AKT3: variants seen among roughly 807,000 people sequenced by gnomAD.
AKT3 encodes AKT serine/threonine kinase 3.
AKT3 carries 15 observed loss-of-function variants against 65.3 expected under a neutral mutation model. The ratio of observed to expected loss-of-function variants is 0.23; its 90% CI spans 0.15 to 0.35. The LOEUF (loss-of-function observed/expected upper bound fraction) is 0.35. Among genes scored for constraint, AKT3 ranks in the 10% least tolerant of loss-of-function variants. The pLI, the probability that AKT3 is intolerant of heterozygous loss-of-function variation, is 1.00. For synonymous variants in AKT3, 206 were observed against 183.8 expected (o/e 1.12, Z -0.98); for missense variants, 243 against 576.5 (o/e 0.42, Z 5.92).
intron 13 of AKT3, 118 bp downstream of exon 13, chr1:243,512,206 A>C (rs1226728420): frequency 3.4e-6 from 2 of 580,010 alleles, no homozygotes; most frequent in Non-Finnish European, 5.9e-6. Context: ...GAATGGAGTA[A>C]GTCACTGTGG....
rs1686747235 is a variant in AKT3, at chr1:243,719,603, G to C, written c.47-23887C>G. Among the ~76,000 whole-genome samples, 5 of 152,172 alleles carry C rather than the reference G, an allele frequency of 3.3e-5. No homozygotes were observed. In the South Asian group the frequency reaches 1.0e-3, roughly 32 times the overall value. On this transcript the variant is annotated intron_variant, in intron 2 of 13. Transcript: ENST00000673466. ...TGACAACTTAGTGCTTTACTACAAT[G>C]AAAGTTTTGTTTCTGGCTCATGTAA...
chr1:243,523,027 T>C (rs541492059), intron 12 of AKT3, among the ~76,000 whole-genome samples: 4 of 151,938 alleles, frequency 2.6e-5, no homozygotes, highest in Admixed American at 1.3e-4. Flanking sequence ...GAAGGAAAGA[T>C]AGGGGCTTTA....
chr1:243,585,811 A>T (rs1675758796), intron 8 of AKT3, among the ~76,000 whole-genome samples: 1 of 152,192 alleles, frequency 6.6e-6, no homozygotes, highest in Admixed American at 6.5e-5. Context: ...AAGAAACACC[A>T]TTCTTGACAT....
rs1448183974 is a variant in AKT3, at chr1:243,501,276, C to T, written c.*3973G>A. The T allele has an allele frequency of 2.1e-5, 5 of 232,992 alleles. No homozygotes were observed. Among genetic ancestry groups the T allele is most frequent in the Non-Finnish European group, 4.2e-5 (5 of 117,930 alleles). 14.4% of individuals were successfully genotyped at this position (232,992 alleles called of 1,614,324 possible). ...GTCCAGCCATCCTACCCATCTACAT[C>T]ACCCACGTCTAAGTTTGTTAATTTG... On this transcript the variant is annotated 3_prime_UTR_variant, in exon 14 of 14. Coordinates refer to ENST00000673466, the MANE Select transcript of AKT3 (RefSeq NM_005465.7).
intron 3 of AKT3, chr1:243,687,810 TCCATTC>T (rs1470311665): frequency 6.6e-6 from 1 of 152,192 alleles, no homozygotes; most frequent in Non-Finnish European, 1.5e-5. Flanking sequence ...AAAGGTTTTC[TCCATTC>T]CCAATTCTAA....
At chr1:243,720,314 TAAAATA>T (rs1284542374) in intron 2 of AKT3, among the ~76,000 whole-genome samples, 2 of 147,098 alleles carry the variant, frequency 1.4e-5, no homozygotes, top group Non-Finnish European at 3.0e-5. Context: ...AAATTAAAAA[TAAAATA>T]AAAATAAAAA....
intron 3 of AKT3, among the ~76,000 whole-genome samples, chr1:243,691,560 T>C (rs1403699158): frequency 6.6e-6 from 1 of 151,526 alleles, no homozygotes; most frequent in Non-Finnish European, 1.5e-5. Context: ...GTTCAAGAAA[T>C]ATGCAGAATC....
At chr1:243,803,691 CAT>C (rs1254867957) in intron 2 of AKT3, among the ~76,000 whole-genome samples, 148 of 118,040 alleles carry the variant, frequency 1.3e-3, no homozygotes, top group Middle Eastern at 5.1e-3. Flanking sequence ...CACACACACA[CAT>C]AAGACTGAAA....
chr1:243,832,120 TAAAAAAAAAAAAAAAAAAAAAAAAA>T (rs869235352), intron 2 of AKT3, among the ~76,000 whole-genome samples: 8 of 44,774 alleles, frequency 1.8e-4, no homozygotes, highest in African/African-American at 4.0e-4. Flanking sequence ...TCCCTAAAAC[TAAAAAAAAAAAAAAAAAAAAAAAAA>T]AAAAAAAAAA....
At chr1:243,513,238 C>T (rs997559789) in intron 12 of AKT3, among the ~76,000 whole-genome samples, 1 of 152,192 alleles carries the variant, frequency 6.6e-6, no homozygotes, top group Non-Finnish European at 1.5e-5. Flanking sequence ...GAGGCTCCTG[C>T]TTCTCAGGGC....
intron 2 of AKT3, among the ~76,000 whole-genome samples, chr1:243,785,305 C>T (rs1333146006): frequency 6.6e-6 from 1 of 151,288 alleles, no homozygotes. Context: ...GTCTCGATCT[C>T]CTGACCTTGC....
At chr1:243,525,610 A>G (rs1670991798) in intron 12 of AKT3, among the ~76,000 whole-genome samples, 1 of 148,380 alleles carries the variant, frequency 6.7e-6, no homozygotes, top group African/African-American at 2.5e-5. Context: ...AATATCTGAA[A>G]TAAGAAATTC....
chr1:243,727,069 G>C (rs1436668572), intron 2 of AKT3, among the ~76,000 whole-genome samples: 1 of 152,126 alleles, frequency 6.6e-6, no homozygotes, highest in Admixed American at 6.5e-5. Context: ...GACAGAAAAT[G>C]AGCAATTCAC....
At chr1:243,807,112 C>G (rs1414904983) in intron 2 of AKT3, among the ~76,000 whole-genome samples, 1 of 152,166 alleles carries the variant, frequency 6.6e-6, no homozygotes, top group African/African-American at 2.4e-5. Flanking sequence ...GTGAGCGACA[C>G]AGAAGACGGG....
intron 2 of AKT3, among the ~76,000 whole-genome samples, chr1:243,818,386 G>A (rs761128829): frequency 6.6e-6 from 1 of 152,110 alleles, no homozygotes; most frequent in Non-Finnish European, 1.5e-5. Flanking sequence ...GAGGGCAAGT[G>A]TTTCTTCATC....
chr1:243,655,738 G>A (rs1361151295), intron 4 of AKT3, among the ~76,000 whole-genome samples: 1 of 152,036 alleles, frequency 6.6e-6, no homozygotes, highest in Admixed American at 6.6e-5. Flanking sequence ...AGTCCTTTAA[G>A]CTACCAATAC....
intron 12 of AKT3, among the ~76,000 whole-genome samples, chr1:243,532,703 G>T (rs1487362453): frequency 6.6e-6 from 1 of 152,136 alleles, no homozygotes. Flanking sequence ...CAAATTTTTG[G>T]AAGAGTTTGA....
chr1:243,686,506 C>T (rs1313264385), intron 3 of AKT3, among the ~76,000 whole-genome samples: 1 of 150,834 alleles, frequency 6.6e-6, no homozygotes, highest in African/African-American at 2.4e-5. Context: ...TGGTTTCCTC[C>T]TCACTCCAAT....
At chr1:243,598,218 G>GA (rs1386987362) in intron 8 of AKT3, among the ~76,000 whole-genome samples, 5 of 151,900 alleles carry the variant, frequency 3.3e-5, no homozygotes, top group Non-Finnish European at 7.4e-5. Flanking sequence ...AAAATTATAA[G>GA]AAAAATCATC....
Sources: gnomAD v4.1 joint callset for allele counts (sites outside exome capture counted in the v4.1 genomes callset) on GRCh38, gnomAD v4.1.1 for gene constraint, MANE v1.5 for transcripts, NCBI Gene and HGNC (gene_info 2026-07-23, HGNC 2026-07-21) for gene names.